Variants in DCHS2 observed in about 807,000 individuals in gnomAD.
DCHS2 encodes the protein dachsous cadherin-related 2.
DCHS2 carries 142 observed loss-of-function variants against 182.4 expected under a neutral mutation model. The observed-to-expected ratio is 0.78, with a 90% CI of 0.68 to 0.89. The LOEUF (loss-of-function observed/expected upper bound fraction) is 0.89. DCHS2 is among the 40% of genes least tolerant of loss of function. DCHS2 has a pLI of 0.00. For synonymous variants in DCHS2, 1,740 were observed against 1,663.3 expected, an observed-to-expected ratio of 1.05 and a Z score of -1.12; for missense variants, 4,319 against 4,198.6, an observed-to-expected ratio of 1.03 and a Z score of -0.79.
intron 13 of DCHS2, among the ~76,000 whole-genome samples, chr4:154,287,986 C>T (rs1041881458): frequency 2.6e-5 from 4 of 151,962 alleles, no homozygotes; most frequent in Non-Finnish European, 5.9e-5. Context: ...TTCACTAAAA[C>T]GAAGTCAGGA....
Position 154,490,595 on chromosome 4 carries a change from AAGCGCCGCAGC to A in DCHS2, c.750_760del (p.Leu251GlyfsTer35). 1.3e-6 allele frequency: 2 copies of A among 1,546,858 alleles called. No homozygotes were observed. The highest frequency in any genetic ancestry group is 2.4e-5 in the South Asian group (2 of 83,992). On this transcript the variant is annotated frameshift_variant, in exon 1 of 20. Transcript: ENST00000357232. LOFTEE classifies it high-confidence loss of function. Reference sequence around the variant, plus strand: ...GTGCGCCGCCGCCTCCTCTCGGTCCAAGCGCCGCAGCAGCACCAGATCTAGAGGCTCCAGGG... The same window carrying A: ...GTGCGCCGCCGCCTCCTCTCGGTCCAAGCACCAGATCTAGAGGCTCCAGGG...
chr4:154,384,771 C>G (rs1308892425), intron 1 of DCHS2, among the ~76,000 whole-genome samples: 1 of 152,048 alleles, frequency 6.6e-6, no homozygotes, highest in Non-Finnish European at 1.5e-5. Flanking sequence ...GGAACACCGA[C>G]AGCCACCAGA....
intron 1 of DCHS2, among the ~76,000 whole-genome samples, chr4:154,457,229 G>C (rs779258276): frequency 2.0e-5 from 3 of 152,120 alleles, no homozygotes; most frequent in Non-Finnish European, 4.4e-5. Context: ...ATGTCAACAA[G>C]TTCATCTACT....
chr4:154,378,797 C>A (rs1224920694), intron 1 of DCHS2, among the ~76,000 whole-genome samples: 1 of 152,084 alleles, frequency 6.6e-6, no homozygotes. Context: ...TGTGCTGCCT[C>A]CCAAGTCTGA....
intron 2 of DCHS2, among the ~76,000 whole-genome samples, chr4:154,373,576 T>C (rs1397877176): frequency 2.0e-5 from 3 of 152,198 alleles, no homozygotes; most frequent in Non-Finnish European, 4.4e-5. Context: ...GGGGATTTGT[T>C]AAAAGCCTGT....
At chr4:154,362,736 C>G (rs939567022) in intron 3 of DCHS2, among the ~76,000 whole-genome samples, 1 of 152,152 alleles carries the variant, frequency 6.6e-6, no homozygotes, top group African/African-American at 2.4e-5. Flanking sequence ...AAAGACCAAC[C>G]CTTCTCCTTC....
At chr4:154,326,730 CTCT>C (rs1736299199) in intron 7 of DCHS2, among the ~76,000 whole-genome samples, 1 of 152,102 alleles carries the variant, frequency 6.6e-6, no homozygotes, top group South Asian at 2.1e-4. Flanking sequence ...GTGACCCCTA[CTCT>C]TTTTAACTGG....
Position 154,332,661 on chromosome 4 carries a change from C to G in DCHS2, c.3547G>C (p.Asp1183His). 6.2e-7 allele frequency: 1 copy of G among 1,614,240 alleles called. No individual in the cohort carries two copies. The highest frequency in any genetic ancestry group is 8.5e-7 in the Non-Finnish European group (1 of 1,180,046). ...VSTTVIVRVW[D>H]ENDNSPTFLH... The stretch of plus-strand genomic sequence containing the variant: ...AAGGTGGGGGAATTGTCATTCTCAT[C>G]CCAGACACGAACAATGACTGTAGTG... Residue 1183 changes from aspartate to histidine, a missense_variant, in exon 5 of 20, where the codon GAT becomes CAT. By Grantham distance (81) the Asp-to-His change is moderately conservative. Coordinates refer to ENST00000357232, the MANE Select transcript of DCHS2 (RefSeq NM_001358235.2).
chr4:154,359,730 A>G (rs1025652752), intron 3 of DCHS2, among the ~76,000 whole-genome samples: 4 of 152,110 alleles, frequency 2.6e-5, no homozygotes, highest in African/African-American at 9.7e-5. Context: ...ATTGGCTGAA[A>G]AAACTAGAAT....
intron 1 of DCHS2, among the ~76,000 whole-genome samples, chr4:154,400,451 C>T (rs1302021187): frequency 7.9e-6 from 1 of 125,896 alleles, no homozygotes; most frequent in Non-Finnish European, 1.8e-5. Context: ...CATCGACCCT[C>T]GCCCCCCATG....
intron 1 of DCHS2, among the ~76,000 whole-genome samples, chr4:154,392,453 G>A (rs558638203): frequency 6.6e-6 from 1 of 152,276 alleles, no homozygotes; most frequent in South Asian, 2.1e-4. Flanking sequence ...AAAAGACAAA[G>A]AGTAGGGAGG....
chr4:154,245,145 T>TA (rs1421012115), intron 16 of DCHS2, among the ~76,000 whole-genome samples: 1 of 152,018 alleles, frequency 6.6e-6, no homozygotes. Context: ...GAAGAACAAA[T>TA]AAAAAAATAT....
chr4:154,358,531 G>T (rs777529940), intron 3 of DCHS2, among the ~76,000 whole-genome samples: 2 of 152,116 alleles, frequency 1.3e-5, no homozygotes, highest in Non-Finnish European at 2.9e-5. Context: ...TGATCCAAAA[G>T]GTGGCTTATA....
chr4:154,298,069 G>C lies in DCHS2; in HGVS notation c.6245C>G (p.Ser2082Ter). The C allele has an allele frequency of 6.2e-7, 1 of 1,614,084 alleles. No homozygotes were observed. Among genetic ancestry groups the C allele is most frequent in the Non-Finnish European group, 8.5e-7 (1 of 1,180,008 alleles). ...TVVFSFAETQ[S>*]MFSIDKYTGE... ...TGTGTATTTATCAATAGAAAACATT[G>C]ACTGGGTCTCTGCAAAACTAAAAAC... The change falls in exon 13 of 20, where the codon TCA becomes TGA. Residue 2082 changes from serine to a stop codon, truncating the protein, a stop_gained. Coordinates refer to ENST00000357232, the MANE Select transcript of DCHS2 (RefSeq NM_001358235.2). LOFTEE classifies it high-confidence loss of function.
At chr4:154,372,576 G>A (rs921066725) in intron 2 of DCHS2, among the ~76,000 whole-genome samples, 2 of 152,100 alleles carry the variant, frequency 1.3e-5, no homozygotes, top group African/African-American at 4.8e-5. Flanking sequence ...AATAGAGATA[G>A]AGTGTTAATA....
At chr4:154,339,153 T>G (rs1728946835) in intron 3 of DCHS2, among the ~76,000 whole-genome samples, 1 of 151,282 alleles carries the variant, frequency 6.6e-6, no homozygotes, top group African/African-American at 2.4e-5. Flanking sequence ...GTGTAGATTC[T>G]AGTCAGGGTC....
intron 1 of DCHS2, among the ~76,000 whole-genome samples, chr4:154,460,938 A>G (rs76332682): frequency 0.014 from 2,126 of 152,326 alleles, 48 homozygotes; most frequent in African/African-American, 0.049. Flanking sequence ...ACTGAAAGAC[A>G]TAATTGAATC....
chr4:154,283,387 T>G (rs556391581), intron 13 of DCHS2, among the ~76,000 whole-genome samples: 12 of 152,150 alleles, frequency 7.9e-5, no homozygotes, highest in African/African-American at 2.6e-4. Flanking sequence ...TTAAACTTAT[T>G]TGCTTTTGTG....
At chr4:154,268,199 T>A (rs1008256466) in intron 14 of DCHS2, among the ~76,000 whole-genome samples, 20 of 151,932 alleles carry the variant, frequency 1.3e-4, no homozygotes, top group African/African-American at 4.8e-4. Flanking sequence ...TTCTCTTTTC[T>A]TATTAAATTG....
Sources: gnomAD v4.1 joint callset for allele counts (sites outside exome capture counted in the v4.1 genomes callset) on GRCh38, gnomAD v4.1.1 for gene constraint, MANE v1.5 for transcripts, NCBI Gene and HGNC (gene_info 2026-07-23, HGNC 2026-07-21) for gene names.